The following ANO2 variants were observed in gnomAD, a reference collection of about 807,000 sequenced individuals.
ANO2 encodes anoctamin 2.
ANO2 carries 101 observed loss-of-function variants against 124.2 expected under a neutral mutation model. The ratio of observed to expected loss-of-function variants is 0.81; its 90% CI spans 0.69 to 0.96. ANO2 has a LOEUF of 0.96. Ranked by LOEUF, ANO2 falls within the 40% of genes least tolerant of loss-of-function variation. The pLI is 0.00. For missense variants in ANO2, 1,293 were observed against 1,274.5 expected (o/e 1.01, Z -0.22); for synonymous variants, 486 against 482.5 (o/e 1.01, Z -0.09).
chr12:5,826,938 C>T (rs997638200), intron 7 of ANO2, among the ~76,000 whole-genome samples: 2 of 152,156 alleles, frequency 1.3e-5, no homozygotes, highest in South Asian at 2.1e-4. Flanking sequence ...CATCCCAGAG[C>T]GCATTCTGAA....
At chr12:5,623,314 C>T (rs564388270) in intron 16 of ANO2, among the ~76,000 whole-genome samples, 1 of 152,218 alleles carries the variant, frequency 6.6e-6, no homozygotes, top group South Asian at 2.1e-4. Flanking sequence ...GCACCTCCGC[C>T]GGGAAGCACC....
chr12:5,813,576 T>C (rs1042178785), intron 7 of ANO2, among the ~76,000 whole-genome samples: 1 of 152,182 alleles, frequency 6.6e-6, no homozygotes, highest in African/African-American at 2.4e-5. Context: ...AGAATTGCTA[T>C]AGGAGTACAA....
intron 19 of ANO2, among the ~76,000 whole-genome samples, chr12:5,604,668 G>C (rs983776136): frequency 3.3e-5 from 5 of 152,004 alleles, no homozygotes; most frequent in Non-Finnish European, 7.4e-5. Context: ...AACAAATGCA[G>C]GGGAAAATAT....
chr12:5,589,280 G>A (rs1316095940), intron 20 of ANO2, among the ~76,000 whole-genome samples: 1 of 152,126 alleles, frequency 6.6e-6, no homozygotes, highest in Non-Finnish European at 1.5e-5. Flanking sequence ...TCGCTAGAAA[G>A]GAGTGCCTAA....
chr12:5,785,974 G>C (rs1339267027), intron 10 of ANO2, among the ~76,000 whole-genome samples: 2 of 151,486 alleles, frequency 1.3e-5, no homozygotes, highest in Non-Finnish European at 2.9e-5. Context: ...AAATGCTCCA[G>C]ATGTGATCAA....
At chr12:5,843,633 A>G (rs1954593955) in intron 4 of ANO2, among the ~76,000 whole-genome samples, 1 of 151,930 alleles carries the variant, frequency 6.6e-6, no homozygotes, top group African/African-American at 2.4e-5. Context: ...GGATGTACTG[A>G]ACTATCAAAA....
At chr12:5,849,351 G>A (rs369313559) in intron 4 of ANO2, among the ~76,000 whole-genome samples, 57 of 152,334 alleles carry the variant, frequency 3.7e-4, no homozygotes, top group Non-Finnish European at 6.8e-4. Context: ...TGTAAAGGAT[G>A]AGAAACGGAG....
At chr12:5,667,393 C>T (rs1382582520) in intron 14 of ANO2, among the ~76,000 whole-genome samples, 1 of 151,864 alleles carries the variant, frequency 6.6e-6, no homozygotes, top group East Asian at 1.9e-4. Context: ...TGTGGTCATT[C>T]CTAATCTGGT....
chr12:5,885,440 A>T (rs1715882757), intron 3 of ANO2, among the ~76,000 whole-genome samples: 1 of 152,274 alleles, frequency 6.6e-6, no homozygotes, highest in Admixed American at 6.5e-5. Flanking sequence ...AGATGATAAC[A>T]ATAATAACTC....
At chr12:5,872,473 G>A (rs1249188357) in intron 3 of ANO2, among the ~76,000 whole-genome samples, 1 of 152,138 alleles carries the variant, frequency 6.6e-6, no homozygotes, top group Non-Finnish European at 1.5e-5. Context: ...GGGCTTCGAA[G>A]GCTTCACCTC....
intron 7 of ANO2, among the ~76,000 whole-genome samples, chr12:5,826,856 T>C (rs1403287090): frequency 2.0e-5 from 3 of 152,098 alleles, no homozygotes; most frequent in Admixed American, 6.5e-5. Context: ...ACCTCCTCTA[T>C]TCAGTAGACA....
chr12:5,857,337 G>T (rs992497790), intron 3 of ANO2, among the ~76,000 whole-genome samples: 4 of 152,128 alleles, frequency 2.6e-5, no homozygotes, highest in Non-Finnish European at 5.9e-5. Context: ...ATAAACATGG[G>T]GGTGCAGGTA....
intron 4 of ANO2, among the ~76,000 whole-genome samples, chr12:5,840,617 A>G (rs1954484576): frequency 6.6e-6 from 1 of 152,212 alleles, no homozygotes; most frequent in Non-Finnish European, 1.5e-5. Flanking sequence ...TAAGATAAAA[A>G]CAACATAATC....
chr12:5,723,977 G>A (rs1326952887), intron 14 of ANO2, among the ~76,000 whole-genome samples: 2 of 152,064 alleles, frequency 1.3e-5, no homozygotes, highest in African/African-American at 4.8e-5. Context: ...CCGCCCTTCA[G>A]CTTGGGACAG....
chr12:5,618,476 T>G (rs562066668), intron 16 of ANO2, among the ~76,000 whole-genome samples: 1 of 152,316 alleles, frequency 6.6e-6, no homozygotes, highest in South Asian at 2.1e-4. Context: ...ATTTCACTTC[T>G]GTGGATGAAG....
chr12:5,776,458 C>T (rs1263389353), intron 10 of ANO2, among the ~76,000 whole-genome samples: 6 of 152,204 alleles, frequency 3.9e-5, no homozygotes, highest in Non-Finnish European at 5.9e-5. Flanking sequence ...TTGTACAAGG[C>T]CCTGTCCTTT....
At chr12:5,739,059 G>A in intron 13 of ANO2, 3 of 624,024 alleles carry the variant, frequency 4.8e-6, no homozygotes, top group Non-Finnish European at 9.0e-6. Flanking sequence ...TTCCCCAGAG[G>A]AGGGCACTGG....
At chr12:5,892,228 A>G (rs189680644) in intron 3 of ANO2, among the ~76,000 whole-genome samples, 3 of 152,320 alleles carry the variant, frequency 2.0e-5, no homozygotes, top group Non-Finnish European at 4.4e-5. Flanking sequence ...AACCAACCTG[A>G]ACAACAGAGA....
chr12:5,814,976 A>G (rs181273992), intron 7 of ANO2, among the ~76,000 whole-genome samples: 1 of 152,342 alleles, frequency 6.6e-6, no homozygotes, highest in East Asian at 1.9e-4. Flanking sequence ...CAAATGAGAT[A>G]ATGAGCGTTA....
Sources: allele counts gnomAD v4.1 joint callset (sites outside exome capture counted in the v4.1 genomes callset), GRCh38; gene constraint gnomAD v4.1.1; transcripts MANE v1.5; gene names NCBI Gene and HGNC (gene_info 2026-07-23, HGNC 2026-07-21).